GLMN: variants seen among roughly 807,000 people sequenced by gnomAD.
The protein encoded by GLMN is glomulin, FKBP associated protein.
Under a neutral mutation model 87.8 loss-of-function variants are expected in GLMN, and 75 were observed. The observed-to-expected ratio is 0.85, with a 90% CI of 0.71 to 1.04. The LOEUF (loss-of-function observed/expected upper bound fraction) is 1.04, where lower values mean the gene tolerates loss of function less well. Ranked by LOEUF, GLMN falls within the 50% of genes least tolerant of loss-of-function variation. GLMN has a pLI of 0.00. For missense variants in GLMN, 588 were observed against 658.8 expected, an observed-to-expected ratio of 0.89 and a Z score of 1.18; for synonymous variants, 206 against 221.6, an observed-to-expected ratio of 0.93 and a Z score of 0.63.
At chr1:92,315,900 C>G in the GLMN span, among the ~76,000 whole-genome samples, 1 of 152,126 alleles carries the variant, frequency 6.6e-6, no homozygotes, top group African/African-American at 2.4e-5. Flanking sequence ...TGGGTCGTGA[C>G]GCACTGTGAT....
chr1:92,316,250 T>C, the GLMN span, among the ~76,000 whole-genome samples: 7 of 152,160 alleles, frequency 4.6e-5, no homozygotes, highest in Non-Finnish European at 1.0e-4. Flanking sequence ...CAGTAAACAG[T>C]AGAATCTCAG....
In GLMN at chr1:92,247,076, CA is replaced by C; in HGVS notation, c.1653del (p.Glu552LysfsTer16). 6.5e-7 allele frequency: 1 copy of C among 1,535,316 alleles called. No individual in the cohort carries two copies. The highest frequency in any genetic ancestry group is 9.0e-7 in the Non-Finnish European group (1 of 1,109,204). On this transcript the variant is annotated frameshift_variant, in exon 18 of 19. Coordinates refer to ENST00000370360, the MANE Select transcript of GLMN (RefSeq NM_053274.3). LOFTEE classifies it high-confidence loss of function. ...TTTCAGATCACCTTAAGCTGCATTT[CA>C]GGAGGCATATTAGGGATCTCTTCTC... ...VSGEEIPNMP[P>X]EMQLKVLHSA... is the part of the protein sequence containing the mutation.
intron 3 of GLMN, 104 bp downstream of exon 3, chr1:92,297,300 T>C (rs575045948): frequency 6.1e-5 from 90 of 1,473,760 alleles, no homozygotes; most frequent in Admixed American, 8.5e-5. Flanking sequence ...CTGTGAAAAT[T>C]TAAGTAGATT....
At chr1:92,329,442 C>T in the GLMN span, among the ~76,000 whole-genome samples, 1 of 151,848 alleles carries the variant, frequency 6.6e-6, no homozygotes, top group African/African-American at 2.4e-5. Flanking sequence ...AGACTCACTC[C>T]CACCGTGCCC....
In GLMN at chr1:92,268,250, T is replaced by G. The variant is rs115185705; in HGVS notation, c.978-115A>C. ...TTTAACACTTTTAAAATGCATATCA[T>G]TAAGGAGAAATTCTGTTGAAGAACT... is the stretch of plus-strand genomic sequence containing the variant. On this transcript the variant is annotated intron_variant, in intron 9 of 18. Coordinates refer to ENST00000370360, the MANE Select transcript of GLMN (RefSeq NM_053274.3). 1,929 of 648,670 alleles carry G rather than the reference T, an allele frequency of 3.0e-3. 2 individuals are homozygous for G. The highest frequency in any genetic ancestry group is 4.4e-3 in the Non-Finnish European group (1,603 of 362,734). 40.2% of individuals were successfully genotyped at this position (648,670 alleles called of 1,614,324 possible). A position where few individuals can be genotyped will look rare whatever the true frequency, so the allele number is the denominator to read the frequency against.
At chr1:92,338,640 G>T in the GLMN span, among the ~76,000 whole-genome samples, 1 of 137,840 alleles carries the variant, frequency 7.3e-6, no homozygotes, top group African/African-American at 2.7e-5. Context: ...GGCAGAGGCT[G>T]ATCATTGATT....
the GLMN span, among the ~76,000 whole-genome samples, chr1:92,313,415 T>C: frequency 6.6e-6 from 1 of 150,450 alleles, no homozygotes; most frequent in East Asian, 2.0e-4. Context: ...GGTACATTGT[T>C]AATAATCAGT....
At chr1:92,290,694 T>C (rs1046352666) in intron 4 of GLMN, among the ~76,000 whole-genome samples, 1 of 152,224 alleles carries the variant, frequency 6.6e-6, no homozygotes, top group Non-Finnish European at 1.5e-5. Context: ...TTTGCATTGC[T>C]TTCTGACTGG....
the GLMN span, chr1:92,323,554 C>T: frequency 1.9e-6 from 3 of 1,613,034 alleles, no homozygotes; most frequent in African/African-American, 1.3e-5. Context: ...TTCTAGCACT[C>T]ACAGTGATAG....
At chr1:92,287,621 C>T (rs550182860) in intron 6 of GLMN, among the ~76,000 whole-genome samples, 5 of 152,142 alleles carry the variant, frequency 3.3e-5, no homozygotes, top group South Asian at 2.1e-4. Flanking sequence ...ATTACAGGTG[C>T]GAGCCACCAC....
At chr1:92,283,104 G>A (rs1648285542) in intron 7 of GLMN, among the ~76,000 whole-genome samples, 1 of 152,050 alleles carries the variant, frequency 6.6e-6, no homozygotes, top group Non-Finnish European at 1.5e-5. Context: ...AGAAAAAGAG[G>A]GAATCCTCCC....
At chr1:92,320,717 T>G in the GLMN span, 2 of 1,070,178 alleles carry the variant, frequency 1.9e-6, no homozygotes, top group African/African-American at 1.5e-5. Context: ...TATGAGCTCT[T>G]GGACTTCCTG....
chr1:92,325,324 T>TA, the GLMN span, among the ~76,000 whole-genome samples: 1 of 152,098 alleles, frequency 6.6e-6, no homozygotes, highest in African/African-American at 2.4e-5. Context: ...AGAAATGTAG[T>TA]AAAAAATTTA....
chr1:92,320,719 G>T, the GLMN span: 1 of 1,045,172 alleles, frequency 9.6e-7, no homozygotes, highest in South Asian at 1.5e-5. Flanking sequence ...TGAGCTCTTG[G>T]ACTTCCTGTG....
chr1:92,248,103 C>A, intron 16 of GLMN, 114 bp from the exon 17 acceptor site: 2 of 666,824 alleles, frequency 3.0e-6, no homozygotes, highest in Non-Finnish European at 5.4e-6. Flanking sequence ...TTGCTTTTCA[C>A]AATGGACTTC....
At chr1:92,253,085 C>T (rs562248942) in intron 16 of GLMN, among the ~76,000 whole-genome samples, 8 of 152,232 alleles carry the variant, frequency 5.3e-5, no homozygotes, top group Non-Finnish European at 8.8e-5. Context: ...AGAAGTCATC[C>T]GGCTCTGCAA....
intron 17 of GLMN, among the ~76,000 whole-genome samples, chr1:92,247,427 T>C (rs1652837447): frequency 6.6e-6 from 1 of 152,182 alleles, no homozygotes; most frequent in African/African-American, 2.4e-5. Flanking sequence ...ATTATAGCCA[T>C]TATACTAAAA....
intron 16 of GLMN, among the ~76,000 whole-genome samples, chr1:92,256,806 T>C (rs958865094): frequency 1.3e-5 from 2 of 152,190 alleles, no homozygotes; most frequent in African/African-American, 4.8e-5. Context: ...TCATACTGAA[T>C]GGGCAAAAAC....
chr1:92,254,301 C>G (rs1653940341), intron 16 of GLMN, among the ~76,000 whole-genome samples: 1 of 152,164 alleles, frequency 6.6e-6, no homozygotes, highest in Non-Finnish European at 1.5e-5. Context: ...GACTGGTGTA[C>G]CTGAAAGTGA....
Sources: gnomAD v4.1 joint callset for allele counts (sites outside exome capture counted in the v4.1 genomes callset) on GRCh38, gnomAD v4.1.1 for gene constraint, MANE v1.5 for transcripts, NCBI Gene and HGNC (gene_info 2026-07-23, HGNC 2026-07-21) for gene names.